Variants in C2orf80 observed in about 807,000 individuals in gnomAD.
C2orf80 encodes the protein chromosome 2 open reading frame 80.
C2orf80 carries 28 observed loss-of-function variants against 30.2 expected under a neutral mutation model. The observed-to-expected ratio is 0.93, with a 90% CI of 0.69 to 1.27. C2orf80 has a LOEUF of 1.27. Among genes scored for constraint, C2orf80 ranks in the 50% most tolerant of loss-of-function variants. C2orf80 has a pLI of 0.00. For synonymous variants in C2orf80, 80 were observed against 76.4 expected, an observed-to-expected ratio of 1.05 and a Z score of -0.24; for missense variants, 220 against 231.0, an observed-to-expected ratio of 0.95 and a Z score of 0.31.
intron 6 of C2orf80, among the ~76,000 whole-genome samples, chr2:208,176,930 T>TACACATAGGTGTATACATAC (rs373283282): frequency 1.8e-5 from 1 of 56,792 alleles, no homozygotes; most frequent in Non-Finnish European, 4.0e-5. Flanking sequence ...TGTATACATA[T>TACACATAGGTGTATACATAC]GTATACATAT....
intron 6 of C2orf80, among the ~76,000 whole-genome samples, chr2:208,177,525 T>C (rs1696399966): frequency 6.6e-6 from 1 of 151,590 alleles, no homozygotes; most frequent in African/African-American, 2.4e-5. Flanking sequence ...TGGGCAACAA[T>C]AGGGAAATTC....
intron 8 of C2orf80, among the ~76,000 whole-genome samples, chr2:208,169,269 T>TTGTGTGTGTGTGAGTGTG (rs1696015081): frequency 7.2e-6 from 1 of 137,968 alleles, no homozygotes. Flanking sequence ...AAAGTCTAGA[T>TTGTGTGTGTGTGAGTGTG]TGTGTGTGTG....
intron 6 of C2orf80, among the ~76,000 whole-genome samples, chr2:208,178,777 A>G (rs531061309): frequency 3.3e-5 from 5 of 151,734 alleles, no homozygotes; most frequent in South Asian, 2.1e-4. Flanking sequence ...GTTTTTTGAG[A>G]TGGAGTTTCT....
chr2:208,184,939 G>A lies in C2orf80; in HGVS notation c.123+12C>T. 6.2e-7 allele frequency: 1 copy of A among 1,602,678 alleles called. No individual in the cohort carries two copies. Among genetic ancestry groups the A allele is most frequent in the Non-Finnish European group, 8.5e-7 (1 of 1,170,092 alleles). On this transcript the variant is annotated intron_variant, in intron 3 of 8. Transcript: ENST00000341287. ...ACACAAATATGACTCGCATCAGCGT[G>A]CCTTTCTTTACCATATCATCTAGAA...
intron 8 of C2orf80, among the ~76,000 whole-genome samples, chr2:208,169,185 T>C (rs1482344685): frequency 6.6e-6 from 1 of 151,894 alleles, no homozygotes; most frequent in East Asian, 1.9e-4. Flanking sequence ...ATAGGGTCCA[T>C]TGATGAGGCT....
intron 6 of C2orf80, among the ~76,000 whole-genome samples, chr2:208,177,776 TG>T (rs1222710958): frequency 6.6e-6 from 1 of 152,072 alleles, no homozygotes; most frequent in Non-Finnish European, 1.5e-5. Context: ...CACTTCTACA[TG>T]GCCTGTCTTC....
intron 7 of C2orf80, 126 bp from the exon 8 acceptor site, chr2:208,171,189 A>G: frequency 2.9e-6 from 2 of 686,172 alleles, no homozygotes; most frequent in Non-Finnish European, 5.0e-6. Flanking sequence ...TTTGTCACTC[A>G]GGCTGGAGTG....
At chr2:208,178,488 C>T (rs888200400) in intron 6 of C2orf80, among the ~76,000 whole-genome samples, 1 of 152,130 alleles carries the variant, frequency 6.6e-6, no homozygotes, top group Non-Finnish European at 1.5e-5. Context: ...ATTTGCTTGG[C>T]TATCCAAGGA....
At chr2:208,176,974 TATACAGAA>T (rs1696361270) in intron 6 of C2orf80, among the ~76,000 whole-genome samples, 1 of 76,366 alleles carries the variant, frequency 1.3e-5, no homozygotes, top group African/African-American at 4.7e-5. Flanking sequence ...TGTATACATA[TATACAGAA>T]ATGTATATGT....
intron 8 of C2orf80, 123 bp from the exon 9 acceptor site, chr2:208,165,938 T>C: frequency 1.7e-6 from 1 of 584,618 alleles, no homozygotes; most frequent in Non-Finnish European, 3.0e-6. Flanking sequence ...AAAGATAGAT[T>C]AGATTAATGT....
chr2:208,189,802 C>T, intron 1 of C2orf80, 151 bp downstream of exon 1: 1 of 638,112 alleles, frequency 1.6e-6, no homozygotes, highest in South Asian at 1.8e-5. Flanking sequence ...GAAGTCAGAG[C>T]CCCCAAATTC....
chr2:208,175,476 G>A (rs139153118), intron 6 of C2orf80, among the ~76,000 whole-genome samples: 1 of 152,240 alleles, frequency 6.6e-6, no homozygotes, highest in East Asian at 1.9e-4. Flanking sequence ...CAGAGTAGGT[G>A]AGCAATCCCG....
At chr2:208,181,484 T>C (rs570395495) in intron 4 of C2orf80, among the ~76,000 whole-genome samples, 179 bp from the exon 5 acceptor site, 1 of 152,216 alleles carries the variant, frequency 6.6e-6, no homozygotes, top group African/African-American at 2.4e-5. Context: ...GAATTTTTAA[T>C]CTTCCAATAA....
intron 6 of C2orf80, among the ~76,000 whole-genome samples, chr2:208,172,785 C>T (rs1696143537): frequency 6.6e-6 from 1 of 152,162 alleles, no homozygotes; most frequent in Non-Finnish European, 1.5e-5. Flanking sequence ...ATATACCATA[C>T]AGAAACTCTT....
intron 2 of C2orf80, among the ~76,000 whole-genome samples, chr2:208,186,406 T>G (rs750917062): frequency 8.5e-5 from 13 of 152,198 alleles, no homozygotes; most frequent in Non-Finnish European, 1.6e-4. Flanking sequence ...CCAACATTTG[T>G]TAAGTACAAG....
At chr2:208,182,055 C>G (rs891942578) in intron 4 of C2orf80, among the ~76,000 whole-genome samples, 1 of 152,174 alleles carries the variant, frequency 6.6e-6, no homozygotes, top group Non-Finnish European at 1.5e-5. Flanking sequence ...GTCATTACAG[C>G]TAAACCCTAA....
intron 1 of C2orf80, among the ~76,000 whole-genome samples, chr2:208,189,222 G>A (rs1421876301): frequency 6.6e-6 from 1 of 152,178 alleles, no homozygotes; most frequent in African/African-American, 2.4e-5. Flanking sequence ...ATCCATTCTT[G>A]TCTTGTAATT....
chr2:208,186,865 G>T, intron 2 of C2orf80, 81 bp downstream of exon 2: 1 of 1,235,302 alleles, frequency 8.1e-7, no homozygotes, highest in Non-Finnish European at 1.2e-6. Context: ...TTTACCCACT[G>T]CCAATACCCA....
At chr2:208,178,238 T>A (rs2105905001) in intron 6 of C2orf80, among the ~76,000 whole-genome samples, 1 of 152,262 alleles carries the variant, frequency 6.6e-6, no homozygotes, top group African/African-American at 2.4e-5. Context: ...CTCTCTAGGA[T>A]GTGTTTTTCC....
Sources: allele counts gnomAD v4.1 joint callset (sites outside exome capture counted in the v4.1 genomes callset), GRCh38; gene constraint gnomAD v4.1.1; transcripts MANE v1.5; gene names NCBI Gene and HGNC (gene_info 2026-07-23, HGNC 2026-07-21).